PRRX2: variants seen among roughly 807,000 people sequenced by gnomAD.
PRRX2 encodes the protein paired mesoderm homeobox protein 2.
Under a neutral mutation model 18.0 loss-of-function variants are expected in PRRX2, and 11 were observed. The observed-to-expected ratio is 0.61, with a 90% CI of 0.39 to 1.01. The LOEUF (loss-of-function observed/expected upper bound fraction) is 1.01. Among genes scored for constraint, PRRX2 ranks in the 50% least tolerant of loss-of-function variants. PRRX2 has a pLI of 0.01. For missense variants in PRRX2, 387 were observed against 351.0 expected (o/e 1.10, Z -0.82); for synonymous variants, 177 against 154.8 (o/e 1.14, Z -1.06).
chr9:129,679,839 T>C (rs1442593098), intron 1 of PRRX2, among the ~76,000 whole-genome samples: 1 of 152,046 alleles, frequency 6.6e-6, no homozygotes, highest in Non-Finnish European at 1.5e-5. Context: ...TCCAGAGAGC[T>C]CCCAAGGGCA....
chr9:129,688,083 A>C (rs1053280521), intron 1 of PRRX2, among the ~76,000 whole-genome samples: 1 of 151,434 alleles, frequency 6.6e-6, no homozygotes, highest in African/African-American at 2.4e-5. Context: ...TTTTGTAGAG[A>C]TGGGGGTCTC....
chr9:129,681,474 C>T (rs1305730331), intron 1 of PRRX2, among the ~76,000 whole-genome samples: 2 of 152,082 alleles, frequency 1.3e-5, no homozygotes, highest in African/African-American at 4.8e-5. Context: ...GAGCCAGGAT[C>T]ATGCCACTGC....
In PRRX2 at chr9:129,665,923, CG is replaced by C; in HGVS notation, c.57del (p.Pro20ArgfsTer21). 1 of 1,113,302 alleles carries C rather than the reference CG, an allele frequency of 9.0e-7. No individual in the cohort carries two copies. 69.0% of individuals were successfully genotyped at this position (1,113,302 alleles called of 1,614,324 possible). A position where few individuals can be genotyped will look rare whatever the true frequency, so the allele number is the denominator to read the frequency against. On this transcript the variant is annotated frameshift_variant, in exon 1 of 4. Transcript: ENST00000372469. LOFTEE classifies it high-confidence loss of function. This position sits in a 1 kb window ranked among gnomAD's most constrained non-coding sequence, Gnocchi z 5.3. The part of the protein sequence containing the change: ...ALDKPALGPG[P>X]PPPPPALGPG... ...GACAAGCCGGCGCTGGGCCCGGGGC[CG>C]CCGCCGCCTCCACCCGCGCTGGGGC...
At chr9:129,719,064 G>C (rs1333508876) in intron 1 of PRRX2, among the ~76,000 whole-genome samples, 167 bp from the exon 2 acceptor site, 1 of 152,168 alleles carries the variant, frequency 6.6e-6, no homozygotes, top group Non-Finnish European at 1.5e-5. Context: ...GTTGAAGAGT[G>C]AATGGATGGG....
In PRRX2 at chr9:129,700,661, A is replaced by G. The variant is rs148554989; in HGVS notation, c.260-18570A>G. On this transcript the variant is annotated intron_variant, in intron 1 of 3. Coordinates refer to ENST00000372469, the MANE Select transcript of PRRX2 (RefSeq NM_016307.4). ...GAGACAGGGTCTGAACCTGTCACCCAGGCTGGAGTGCAGTGGCACAATTGT... is the reference window on the plus strand; with the variant it reads ...GAGACAGGGTCTGAACCTGTCACCCGGGCTGGAGTGCAGTGGCACAATTGT... 2.7e-3 allele frequency among the ~76,000 whole-genome samples: 404 copies of G among 151,050 alleles called. 2 individuals carry two copies. Among genetic ancestry groups the G allele is most frequent in the Non-Finnish European group, 4.4e-3 (296 of 67,912 alleles).
At chr9:129,682,048 A>G (rs1414667945) in intron 1 of PRRX2, among the ~76,000 whole-genome samples, 2 of 152,006 alleles carry the variant, frequency 1.3e-5, no homozygotes, top group Non-Finnish European at 2.9e-5. Context: ...GGGTCTTAGG[A>G]GGAAAGCAGC....
In PRRX2 at chr9:129,675,931, C is replaced by G. The variant is rs1448137249; in HGVS notation, c.259+9805C>G. On this transcript the variant is annotated intron_variant, in intron 1 of 3. Transcript: ENST00000372469. This position sits in a 1 kb window ranked among gnomAD's most constrained non-coding sequence, Gnocchi z 4.4. The stretch of plus-strand genomic sequence containing the variant: ...CATTAGACTAACAAATAACGCGTAA[C>G]AGAAAACAGCTGTTAACAGCAGCCC... 6.6e-6 allele frequency among the ~76,000 whole-genome samples: 1 copy of G among 152,202 alleles called. No individual in the cohort carries two copies. Among genetic ancestry groups the G allele is most frequent in the African/African-American group, 2.4e-5 (1 of 41,436 alleles).
intron 1 of PRRX2, among the ~76,000 whole-genome samples, chr9:129,702,112 C>G (rs924108976): frequency 6.9e-6 from 1 of 145,856 alleles, no homozygotes; most frequent in Non-Finnish European, 1.5e-5. Context: ...AAACTTTCTA[C>G]GACTGCCAGG....
intron 1 of PRRX2, among the ~76,000 whole-genome samples, chr9:129,678,100 A>G (rs1832184061): frequency 6.6e-6 from 1 of 151,506 alleles, no homozygotes; most frequent in South Asian, 2.1e-4. Flanking sequence ...AGTAGCTAGA[A>G]TTACAGGCAC....
In PRRX2 at chr9:129,665,933, T is replaced by C. The variant is rs1431128024; in HGVS notation, c.66T>C (p.Pro22=). 1 of 1,119,004 alleles carries C rather than the reference T, an allele frequency of 8.9e-7. No homozygotes were observed. The highest frequency in any genetic ancestry group is 1.1e-6 in the Non-Finnish European group (1 of 915,072). The allele number at this position is 1,119,004 out of a possible 1,614,324, so 69.3% of individuals were successfully genotyped here. ...KPALGPGPPP[P]PPALGPGDCA... is the part of the protein sequence containing the mutation. ...CGCTGGGCCCGGGGCCGCCGCCGCCTCCACCCGCGCTGGGGCCCGGCGACT... is the reference window on the plus strand; with the variant it reads ...CGCTGGGCCCGGGGCCGCCGCCGCCCCCACCCGCGCTGGGGCCCGGCGACT... Residue 22 remains proline (P), a synonymous_variant, in exon 1 of 4, where the codon CCT becomes CCC. Transcript: ENST00000372469. The surrounding 1 kb of genome is among the most constrained non-coding windows in gnomAD (Gnocchi z 5.3).
intron 1 of PRRX2, among the ~76,000 whole-genome samples, chr9:129,670,108 C>T (rs1010363515): frequency 6.7e-6 from 1 of 149,384 alleles, no homozygotes; most frequent in African/African-American, 2.5e-5. Context: ...GTTCTGTGAC[C>T]GTCTTATTTC....
At position 129,675,828 on chromosome 9, in the gene PRRX2, GC is replaced by G. The variant is rs1170644115; in HGVS notation, c.259+9704del. 1.3e-5 allele frequency among the ~76,000 whole-genome samples: 2 copies of G among 152,194 alleles called. No individual in the cohort carries two copies. The highest frequency in any genetic ancestry group is 2.9e-5 in the Non-Finnish European group (2 of 68,024). Reference sequence around the variant, plus strand: ...TGGCAGGGGCCTCGCAGCCTCTCTCGCCGCCAGAGCTCTGCGCGGGCCTCCC... The same window carrying G: ...TGGCAGGGGCCTCGCAGCCTCTCTCGCGCCAGAGCTCTGCGCGGGCCTCCC... On this transcript the variant is annotated intron_variant, in intron 1 of 3. Transcript: ENST00000372469. The surrounding 1 kb of genome is among the most constrained non-coding windows in gnomAD (Gnocchi z 4.4).
rs373341887 is a variant in PRRX2 at position 129,722,428 on chromosome 9, A to C, written c.*76A>C. 1.3e-6 allele frequency: 2 copies of C among 1,538,870 alleles called. No individual in the cohort carries two copies. Among genetic ancestry groups the C allele is most frequent in the African/African-American group, 2.7e-5 (2 of 72,766 alleles). On this transcript the variant is annotated 3_prime_UTR_variant, in exon 4 of 4. Transcript: ENST00000372469. ...AAAGGGGGCAGACGCCCAGGAAGTG[A>C]CCTTCTCCTGGATGAGCTCTCCTGG...
At chr9:129,720,855 G>A in intron 3 of PRRX2, 81 bp downstream of exon 3, 6 of 1,375,264 alleles carry the variant, frequency 4.4e-6, no homozygotes, top group Non-Finnish European at 5.7e-6. Context: ...ACTCCTCTGA[G>A]GGTCTGGAGA....
At chr9:129,679,831 C>T (rs967436123) in intron 1 of PRRX2, among the ~76,000 whole-genome samples, 6 of 152,176 alleles carry the variant, frequency 3.9e-5, no homozygotes, top group African/African-American at 1.4e-4. Context: ...GAGCCAGCTC[C>T]AGAGAGCTCC....
intron 1 of PRRX2, among the ~76,000 whole-genome samples, chr9:129,708,468 T>A (rs750716460): frequency 8.5e-5 from 13 of 152,242 alleles, no homozygotes; most frequent in African/African-American, 1.4e-4. Context: ...TGTATTTTCT[T>A]TAGAGAAATG....
In PRRX2 at chr9:129,719,281, C is replaced by T. The variant is rs1832756253; in HGVS notation, c.310C>T (p.Gln104Ter). 1 of 1,609,156 alleles carries T rather than the reference C, an allele frequency of 6.2e-7. No homozygotes were observed. The highest frequency in any genetic ancestry group is 1.7e-5 in the Admixed American group (1 of 59,476). The change falls in exon 2 of 4, where the codon CAG becomes TAG. Residue 104 changes from glutamine to a stop codon, truncating the protein, a stop_gained. Coordinates refer to ENST00000372469, the MANE Select transcript of PRRX2 (RefSeq NM_016307.4). LOFTEE classifies it high-confidence loss of function. The part of the protein sequence containing the change: ...RGSAAKRKKK[Q>*]RRNRTTFNSS... ...TAGCGCCGCCAAGCGGAAGAAGAAGCAGCGGCGGAACCGCACCACGTTCAA... is the reference window on the plus strand; with the variant it reads ...TAGCGCCGCCAAGCGGAAGAAGAAGTAGCGGCGGAACCGCACCACGTTCAA...
chr9:129,706,587 G>A (rs1043588513), intron 1 of PRRX2, among the ~76,000 whole-genome samples: 9 of 151,978 alleles, frequency 5.9e-5, no homozygotes, highest in Non-Finnish European at 1.2e-4. Context: ...AATTATTTGA[G>A]CATGGTGGCG....
chr9:129,697,938 G>C (rs1255979243), intron 1 of PRRX2, among the ~76,000 whole-genome samples: 1 of 152,104 alleles, frequency 6.6e-6, no homozygotes, highest in African/African-American at 2.4e-5. Context: ...CAAAATGTGG[G>C]TGGGGGAGGG....
Sources: gnomAD v4.1 joint callset for allele counts (sites outside exome capture counted in the v4.1 genomes callset) on GRCh38, gnomAD v4.1.1 for gene constraint, Gnocchi (gnomAD v3.1) non-coding constraint, MANE v1.5 for transcripts, NCBI Gene and HGNC (gene_info 2026-07-23, HGNC 2026-07-21) for gene names.